Variants in CLTCL1 observed in about 807,000 individuals in gnomAD.
The protein encoded by CLTCL1 is clathrin heavy chain 2.
A neutral mutation model predicts 190.0 loss-of-function variants in CLTCL1; 159 were observed. The ratio of observed to expected loss-of-function variants is 0.84; its 90% CI spans 0.74 to 0.95. The LOEUF (loss-of-function observed/expected upper bound fraction) is 0.95, where lower values mean the gene tolerates loss of function less well. Ranked by LOEUF, CLTCL1 falls within the 40% of genes least tolerant of loss-of-function variation. The pLI is 0.00. For synonymous variants in CLTCL1, 752 were observed against 769.6 expected, an observed-to-expected ratio of 0.98 and a Z score of 0.38; for missense variants, 1,878 against 2,033.4, an observed-to-expected ratio of 0.92 and a Z score of 1.47.
chr22:19,267,173 C>T (rs1438051813), intron 2 of CLTCL1, among the ~76,000 whole-genome samples: 1 of 151,920 alleles, frequency 6.6e-6, no homozygotes, highest in Non-Finnish European at 1.5e-5. Context: ...TTTCTATATA[C>T]TAGCAAGAAA....
Position 19,196,316 on chromosome 22 carries a change from G to T in CLTCL1, c.4141C>A (p.His1381Asn). The T allele has an allele frequency of 6.2e-7, 1 of 1,613,918 alleles. No individual in the cohort carries two copies. ...CCCTCCTTCCAGGCCTCAGTGGGGT[G>T]GCTCATCATGGTGAGCACAGCATTG... Reference protein sequence around the residue: ...YDNAVLTMMSHPTEAWKEGQF... With the variant: ...YDNAVLTMMSNPTEAWKEGQF... The change falls in exon 26 of 33, where the codon CAC (histidine) becomes AAC (asparagine). Residue 1381 changes from histidine to asparagine, a missense_variant. By Grantham distance (68) the His-to-Asn change is moderately conservative. Coordinates refer to ENST00000427926, the MANE Select transcript of CLTCL1 (RefSeq NM_007098.4).
chr22:19,191,486 C>G, intron 26 of CLTCL1, 51 bp from the exon 27 acceptor site: 2 of 1,598,386 alleles, frequency 1.3e-6, no homozygotes, highest in South Asian at 2.2e-5. Flanking sequence ...TCCAGATACC[C>G]CAGGGCTCCT....
chr22:19,192,684 G>C (rs1043406487), intron 26 of CLTCL1, among the ~76,000 whole-genome samples: 1 of 152,196 alleles, frequency 6.6e-6, no homozygotes, highest in African/African-American at 2.4e-5. Flanking sequence ...ACTTCAGGGT[G>C]TCTTCTTTCT....
rs151046800 is a variant in CLTCL1 at position 19,210,145 on chromosome 22, T to C, written c.3249+181A>G. 6.3e-3 allele frequency among the ~76,000 whole-genome samples: 926 copies of C among 147,952 alleles called. 10 individuals are homozygous for C. The highest frequency in any genetic ancestry group is 7.3e-3 in the Non-Finnish European group (483 of 66,498). ...ATGGAAGGAGCACCCACAGAGAAGG[T>C]CAAGACAAGGGGCCAGCGGGCTGGG... On this transcript the variant is annotated intron_variant, in intron 20 of 32. Transcript: ENST00000427926.
At chr22:19,274,085 A>C (rs1433437603) in intron 2 of CLTCL1, among the ~76,000 whole-genome samples, 1 of 152,234 alleles carries the variant, frequency 6.6e-6, no homozygotes, top group African/African-American at 2.4e-5. Context: ...GAAGATTAAA[A>C]TGCAGATCAT....
Position 19,276,739 on chromosome 22 carries a change from G to C in CLTCL1, c.43-909C>G, listed in dbSNP as rs940269082. On this transcript the variant is annotated intron_variant, in intron 1 of 32. Transcript: ENST00000427926. ...GGCTGGAGTGCAGTGGTGCGATCTC[G>C]GCTCACTGCAAGCTCCGCCTCCCGG... Among the ~76,000 whole-genome samples, 6 of 151,962 alleles carry C rather than the reference G, an allele frequency of 3.9e-5. No homozygotes were observed. The South Asian group carries it at 6.2e-4, about 16-fold the overall frequency.
Position 19,197,244 on chromosome 22 carries a change from G to A in CLTCL1, c.3874-588C>T, listed in dbSNP as rs372355551. ...AACGACCACAGCCCTGGGAGGGTCC[G>A]ACCTAGAGGACTGCCTCACACCTCT... On this transcript the variant is annotated intron_variant, in intron 24 of 32. Transcript: ENST00000427926. Among the ~76,000 whole-genome samples the A allele has an allele frequency of 6.1e-4, 93 of 152,164 alleles. 1 individual carries two copies. The Middle Eastern group carries it at 0.014, about 22-fold the overall frequency.
At chr22:19,258,871 A>C (rs1486602894) in intron 2 of CLTCL1, 1 of 492,552 alleles carries the variant, frequency 2.0e-6, no homozygotes, top group Non-Finnish European at 3.7e-6. Flanking sequence ...GGTTAAAAAA[A>C]ACCCCAACAA....
Position 19,232,494 on chromosome 22 carries a change from C to A in CLTCL1, c.1626G>T (p.Pro542=), listed in dbSNP as rs375049573. 2.1e-5 allele frequency: 34 copies of A among 1,613,776 alleles called. No homozygotes were observed. The East Asian group carries it at 7.6e-4, about 36-fold the overall frequency. ...FSRMLVQDEE[P]LANISQIVDI... Reference sequence around the variant, plus strand: ...CGCTCACCTGGCTAATGTTGGCCAGCGGCTCCTCGTCCTGCACTAGCATTC... The same window carrying A: ...CGCTCACCTGGCTAATGTTGGCCAGAGGCTCCTCGTCCTGCACTAGCATTC... The change falls in exon 10 of 33, where the codon CCG becomes CCT. Residue 542 remains proline (P), a synonymous_variant. Coordinates refer to ENST00000427926, the MANE Select transcript of CLTCL1 (RefSeq NM_007098.4).
Position 19,234,490 on chromosome 22 carries a change from A to G in CLTCL1, c.1167+19T>C. ...TTCTTAACACTCAGAACACTTGAACAGTATTCAAGGTTTATCACCTTTGGT... is the reference window on the plus strand; with the variant it reads ...TTCTTAACACTCAGAACACTTGAACGGTATTCAAGGTTTATCACCTTTGGT... On this transcript the variant is annotated intron_variant, in intron 7 of 32. Coordinates refer to ENST00000427926, the MANE Select transcript of CLTCL1 (RefSeq NM_007098.4). 2 of 1,593,566 alleles carry G rather than the reference A, an allele frequency of 1.3e-6. No individual in the cohort carries two copies. The highest frequency in any genetic ancestry group is 1.7e-6 in the Non-Finnish European group (2 of 1,168,006).
At chr22:19,233,390 C>T (rs782758155) in intron 8 of CLTCL1, 32 bp downstream of exon 8, 12 of 1,612,530 alleles carry the variant, frequency 7.4e-6, no homozygotes, top group East Asian at 6.7e-5. Flanking sequence ...TCAAGCTGTG[C>T]GGGGGGGCTA....
At chr22:19,232,367 T>C (rs1327766795) in intron 10 of CLTCL1, 109 bp downstream of exon 10, 8 of 1,457,960 alleles carry the variant, frequency 5.5e-6, no homozygotes, top group Non-Finnish European at 6.6e-6. Context: ...GCAAGATTAA[T>C]AGCAGATGAA....
chr22:19,248,922 T>C (rs1235014093), intron 3 of CLTCL1, among the ~76,000 whole-genome samples: 1 of 152,212 alleles, frequency 6.6e-6, no homozygotes, highest in Non-Finnish European at 1.5e-5. Flanking sequence ...TTTAGTATTA[T>C]GAGACAGAGG....
Position 19,208,138 on chromosome 22 carries a change from A to G in CLTCL1, c.3600+16T>C. ...ATCTGACTGGCAGTGCACAGCCCCC[A>G]GGGGGCATGGCCTACCTGCTGGATG... On this transcript the variant is annotated intron_variant, in intron 22 of 32. Coordinates refer to ENST00000427926, the MANE Select transcript of CLTCL1 (RefSeq NM_007098.4). 1 of 1,613,716 alleles carries G rather than the reference A, an allele frequency of 6.2e-7. No homozygotes were observed.
intron 2 of CLTCL1, among the ~76,000 whole-genome samples, chr22:19,269,079 G>A (rs1212939694): frequency 1.4e-5 from 2 of 141,160 alleles, no homozygotes; most frequent in Non-Finnish European, 3.0e-5. Context: ...GACAGAGCAA[G>A]ACTCCTCAAA....
intron 3 of CLTCL1, among the ~76,000 whole-genome samples, chr22:19,251,776 G>GT (rs1432782048): frequency 3.3e-5 from 5 of 152,244 alleles, no homozygotes; most frequent in Admixed American, 3.3e-4. Context: ...TGCCTTTTAT[G>GT]TTTTTCTCAC....
chr22:19,260,011 G>C (rs1317640488), intron 2 of CLTCL1, among the ~76,000 whole-genome samples: 2 of 152,184 alleles, frequency 1.3e-5, no homozygotes, highest in Non-Finnish European at 2.9e-5. Context: ...CTGCTGATAT[G>C]GACAAAGTTG....
rs1174549131 is a variant in CLTCL1, at chr22:19,191,385, G to A, written c.4242C>T (p.Tyr1414=). 1.2e-6 allele frequency: 2 copies of A among 1,613,884 alleles called. No individual in the cohort carries two copies. Among genetic ancestry groups the A allele is most frequent in the African/African-American group, 2.7e-5 (2 of 74,916 alleles). The stretch of plus-strand genomic sequence containing the variant: ...GCAGGTCATTGATGAGCAGTGGTTT[G>A]TAATCCAAATAGAACTGCAGGGCTC... ...CYRALQFYLD[Y]KPLLINDLLL... Residue 1414 remains tyrosine, a synonymous_variant, in exon 27 of 33, where the codon TAC becomes TAT. Transcript: ENST00000427926.
chr22:19,217,756 G>A (rs2085434954), intron 18 of CLTCL1, among the ~76,000 whole-genome samples: 1 of 150,748 alleles, frequency 6.6e-6, no homozygotes, highest in African/African-American at 2.4e-5. Context: ...GCTGAGGCAG[G>A]AGAATCACTT....
Sources: allele counts gnomAD v4.1 joint callset (sites outside exome capture counted in the v4.1 genomes callset), GRCh38; gene constraint gnomAD v4.1.1; transcripts MANE v1.5; gene names NCBI Gene and HGNC (gene_info 2026-07-23, HGNC 2026-07-21).